ARIH1: variants seen among roughly 807,000 people sequenced by gnomAD.
ARIH1 encodes the protein ariadne RBR E3 ubiquitin protein ligase 1, also known as E3 ubiquitin-protein ligase ARIH1.
ARIH1 carries 8 observed loss-of-function variants against 85.0 expected under a neutral mutation model. The observed-to-expected ratio is 0.09, with a 90% CI of 0.06 to 0.17. The LOEUF (loss-of-function observed/expected upper bound fraction) is 0.17, where lower values mean the gene tolerates loss of function less well. Ranked by LOEUF, ARIH1 falls within the 10% of genes least tolerant of loss-of-function variation. The pLI, the probability that ARIH1 is intolerant of heterozygous loss-of-function variation, is 1.00. For missense variants in ARIH1, 311 were observed against 718.1 expected (o/e 0.43, Z 6.48); for synonymous variants, 238 against 253.6 (o/e 0.94, Z 0.59).
chr15:72,553,976 G>A (rs551200221), intron 3 of ARIH1, among the ~76,000 whole-genome samples: 31 of 152,214 alleles, frequency 2.0e-4, no homozygotes, highest in African/African-American at 7.5e-4. Flanking sequence ...TCTTTTACAA[G>A]AAATTTCACT....
At chr15:72,529,616 G>A (rs893244717) in intron 2 of ARIH1, among the ~76,000 whole-genome samples, 1 of 152,170 alleles carries the variant, frequency 6.6e-6, no homozygotes. Flanking sequence ...GTAGAGATAA[G>A]TTTTTATGGC....
intron 2 of ARIH1, among the ~76,000 whole-genome samples, chr15:72,539,342 A>G (rs1368750447): frequency 6.6e-6 from 1 of 152,174 alleles, no homozygotes; most frequent in African/African-American, 2.4e-5. Context: ...AACAATCATA[A>G]TTAGAAGAAA....
At chr15:72,560,867 C>G (rs2064194610) in intron 5 of ARIH1, among the ~76,000 whole-genome samples, 1 of 151,830 alleles carries the variant, frequency 6.6e-6, no homozygotes, top group Non-Finnish European at 1.5e-5. Context: ...ACTAATGAAA[C>G]TTAAACTTCA....
At chr15:72,525,433 ATTATAG>A (rs1273299103) in intron 2 of ARIH1, among the ~76,000 whole-genome samples, 3 of 152,244 alleles carry the variant, frequency 2.0e-5, no homozygotes, top group Non-Finnish European at 4.4e-5. Flanking sequence ...CTACAATAAA[ATTATAG>A]TTAATGTTGA....
chr15:72,554,757 T>G (rs1342263719), intron 3 of ARIH1, among the ~76,000 whole-genome samples: 1 of 152,102 alleles, frequency 6.6e-6, no homozygotes, highest in Non-Finnish European at 1.5e-5. Flanking sequence ...TGCTTTGTTT[T>G]GTTTTGTTTT....
intron 1 of ARIH1, among the ~76,000 whole-genome samples, chr15:72,482,909 C>T (rs563316497): frequency 7.4e-5 from 11 of 149,612 alleles, no homozygotes; most frequent in East Asian, 5.9e-4. Flanking sequence ...GGCATAATCT[C>T]GGCTCATTGC....
intron 11 of ARIH1, among the ~76,000 whole-genome samples, chr15:72,577,064 C>G (rs1054044932): frequency 2.6e-5 from 4 of 151,778 alleles, no homozygotes; most frequent in Admixed American, 6.6e-5. Flanking sequence ...CTCCCTGCAA[C>G]CTCCACCTCC....
intron 1 of ARIH1, among the ~76,000 whole-genome samples, chr15:72,510,994 CTT>C (rs112435479): frequency 0.05 from 7,532 of 151,932 alleles, 254 homozygotes; most frequent in African/African-American, 0.099. Context: ...TTTAGAATCA[CTT>C]TGATGTTTAT....
At chr15:72,524,243 G>A (rs1237266824) in intron 2 of ARIH1, among the ~76,000 whole-genome samples, 4 of 145,226 alleles carry the variant, frequency 2.8e-5, no homozygotes, top group Admixed American at 1.4e-4. Context: ...CACTGTGCCC[G>A]GCCTTTTTTT....
At chr15:72,577,243 C>A (rs2064275729) in intron 11 of ARIH1, among the ~76,000 whole-genome samples, 1 of 151,986 alleles carries the variant, frequency 6.6e-6, no homozygotes, top group African/African-American at 2.4e-5. Flanking sequence ...CCTCAGCCTC[C>A]CATAATGCTG....
intron 1 of ARIH1, among the ~76,000 whole-genome samples, chr15:72,480,452 G>A (rs953197833): frequency 3.6e-4 from 55 of 151,908 alleles, no homozygotes; most frequent in African/African-American, 1.2e-3. Context: ...TTAGAGATGA[G>A]GTTTCACCAT....
chr15:72,536,898 C>CT (rs1286055843), intron 2 of ARIH1, among the ~76,000 whole-genome samples: 5 of 151,790 alleles, frequency 3.3e-5, no homozygotes, highest in East Asian at 1.9e-4. Context: ...ATTATAATGC[C>CT]TTTTTAAAAA....
chr15:72,529,969 G>A (rs558124832), intron 2 of ARIH1, among the ~76,000 whole-genome samples: 1 of 152,208 alleles, frequency 6.6e-6, no homozygotes, highest in South Asian at 2.1e-4. Flanking sequence ...TGATGGAAAA[G>A]CATTATTTCA....
chr15:72,574,900 CCG>C (rs1410219954), intron 11 of ARIH1, among the ~76,000 whole-genome samples: 1 of 125,676 alleles, frequency 8.0e-6, no homozygotes, highest in Admixed American at 8.8e-5. Context: ...TAAGACCCCC[CCG>C]CCGCCCCCGC....
chr15:72,495,264 G>A (rs1309460037), intron 1 of ARIH1, among the ~76,000 whole-genome samples: 1 of 152,126 alleles, frequency 6.6e-6, no homozygotes, highest in Non-Finnish European at 1.5e-5. Context: ...TTTCTTTTTA[G>A]GGTGATGAAA....
intron 5 of ARIH1, among the ~76,000 whole-genome samples, chr15:72,557,187 G>A (rs775169233): frequency 1.1e-4 from 17 of 151,702 alleles, no homozygotes; most frequent in Non-Finnish European, 2.2e-4. Flanking sequence ...ACATCATTAC[G>A]GTTTTGATTT....
intron 6 of ARIH1, among the ~76,000 whole-genome samples, chr15:72,562,798 A>C (rs755809637): frequency 2.4e-4 from 36 of 152,042 alleles, no homozygotes; most frequent in Non-Finnish European, 4.1e-4. Context: ...GGTCACATAC[A>C]TGATATTTAA....
Position 72,582,227 on chromosome 15 carries a change from GTGA to G in ARIH1, c.1589+45_1589+47del. 2 of 1,400,236 alleles carry G rather than the reference GTGA, an allele frequency of 1.4e-6. No homozygotes were observed. Among genetic ancestry groups the G allele is most frequent in the South Asian group, 2.4e-5 (2 of 83,880 alleles). The allele number at this position is 1,400,236 out of a possible 1,614,324, so 86.7% of individuals were successfully genotyped here. A position where few individuals can be genotyped will look rare whatever the true frequency, so the allele number is the denominator to read the frequency against. On this transcript the variant is annotated intron_variant, in intron 13 of 13. Transcript: ENST00000379887. The surrounding 1 kb of genome is among the most constrained non-coding windows in gnomAD (Gnocchi z 4.6). ...AGCTGTTGAATAAAACTTTCTGCCA[GTGA>G]TGATCCTTACTGGTAAAGTTCAGTG...
intron 7 of ARIH1, chr15:72,566,361 T>A (rs1239777596): frequency 3.6e-6 from 2 of 553,422 alleles, no homozygotes; most frequent in South Asian, 5.1e-5. Flanking sequence ...TTCACACATA[T>A]TGAGTACCCA....
Sources: allele counts gnomAD v4.1 joint callset (sites outside exome capture counted in the v4.1 genomes callset), GRCh38; gene constraint gnomAD v4.1.1; non-coding constraint Gnocchi (gnomAD v3.1); transcripts MANE v1.5; gene names NCBI Gene and HGNC (gene_info 2026-07-23, HGNC 2026-07-21).